FAN1: variants seen among roughly 807,000 people sequenced by gnomAD.
The protein encoded by FAN1 is fanconi-associated nuclease 1.
In FAN1, 91 loss-of-function variants were observed where a neutral mutation model predicts 104.9. That is an observed-to-expected ratio of 0.87 (90% CI 0.73 to 1.03). The LOEUF (loss-of-function observed/expected upper bound fraction) is 1.03, where lower values mean the gene tolerates loss of function less well. FAN1 is among the 50% of genes least tolerant of loss of function. The pLI is 0.00. For synonymous variants in FAN1, 478 were observed against 457.6 expected (o/e 1.04, Z -0.57); for missense variants, 1,263 against 1,239.9 (o/e 1.02, Z -0.28).
intron 10 of FAN1, chr15:30,928,071 G>A: frequency 2.0e-6 from 2 of 1,000,336 alleles, no homozygotes; most frequent in South Asian, 8.7e-5. Flanking sequence ...CACCTGCTGA[G>A]GCCAAGAACG....
chr15:30,914,059 C>T lies in FAN1; in HGVS notation c.1779C>T (p.Thr593=). 6.2e-7 allele frequency: 1 copy of T among 1,613,910 alleles called. No homozygotes were observed. The highest frequency in any genetic ancestry group is 8.5e-7 in the Non-Finnish European group (1 of 1,179,826). Residue 593 remains threonine (T), a synonymous_variant, in exon 5 of 15, where the codon ACC becomes ACT. Transcript: ENST00000362065. ...EFPSYTINRK[T]HIFQDRDDLI... ...CTAGTTACACCATCAATCGGAAAAC[C>T]CACATCTTCCAAGACAGAGATGATC...
intron 2 of FAN1, chr15:30,906,353 C>T: frequency 2.2e-6 from 1 of 457,818 alleles, no homozygotes; most frequent in Non-Finnish European, 4.4e-6. Context: ...TATTTTCTTT[C>T]TCCCAACAAC....
intron 6 of FAN1, among the ~76,000 whole-genome samples, chr15:30,919,709 AG>A (rs775129853): frequency 1.0e-4 from 15 of 150,658 alleles, no homozygotes; most frequent in Admixed American, 8.6e-4. Flanking sequence ...AAAAAAAAAA[AG>A]AAAATCATAA....
intron 7 of FAN1, 82 bp from the exon 8 acceptor site, chr15:30,922,153 A>T (rs1418015627): frequency 1.3e-6 from 2 of 1,496,788 alleles, no homozygotes; most frequent in Non-Finnish European, 1.8e-6. Context: ...AATAGGCTTT[A>T]CCAATCCTAT....
At chr15:30,930,461 T>C (rs552915103) in intron 12 of FAN1, 82 bp from the exon 13 acceptor site, 2 of 1,495,990 alleles carry the variant, frequency 1.3e-6, no homozygotes, top group African/African-American at 1.4e-5. Context: ...CACTGAGCTT[T>C]TCTCCGTCTC....
Position 30,908,236 on chromosome 15 carries a change from G to C in FAN1, c.1353G>C (p.Thr451=). 1 of 1,606,498 alleles carries C rather than the reference G, an allele frequency of 6.2e-7. No individual in the cohort carries two copies. The highest frequency in any genetic ancestry group is 8.5e-7 in the Non-Finnish European group (1 of 1,176,944). Residue 451 remains threonine (T), a synonymous_variant, in exon 3 of 15, where the codon ACG becomes ACC. Transcript: ENST00000362065. ...LDLTPVIEEL[T]NAGFLQTESE... Reference sequence around the variant, plus strand: ...TAACACCTGTGATTGAAGAATTGACGAATGCAGGCTTTCTACAGACAGGTA... The same window carrying C: ...TAACACCTGTGATTGAAGAATTGACCAATGCAGGCTTTCTACAGACAGGTA...
rs2293314 is a variant in FAN1, at chr15:30,918,448, A to G, written c.1943+153A>G. Among the ~76,000 whole-genome samples the G allele has an allele frequency of 0.41, 62,725 of 152,122 alleles. 14,300 individuals are homozygous for G. Among genetic ancestry groups the G allele is most frequent in the East Asian group, 0.85 (4,398 of 5,174 alleles). On this transcript the variant is annotated intron_variant, in intron 6 of 14. Transcript: ENST00000362065. ...TTTTGTGCGTGCTTTGCCTAGAATG[A>G]AAGTGCTGTGTGAAATAGAAGGAAA...
intron 14 of FAN1, chr15:30,938,992 T>C (rs1258691006): frequency 2.4e-5 from 24 of 985,232 alleles, no homozygotes; most frequent in Non-Finnish European, 2.9e-5. Context: ...TCACATTCAA[T>C]ACTGTTGAAC....
chr15:30,930,792 C>A, intron 13 of FAN1, 121 bp downstream of exon 13: 3 of 1,286,466 alleles, frequency 2.3e-6, no homozygotes, highest in Non-Finnish European at 3.3e-6. Context: ...AGCTTTTGGG[C>A]CGAGGGCCTG....
intron 5 of FAN1, among the ~76,000 whole-genome samples, chr15:30,916,963 C>G (rs2062210003): frequency 1.3e-5 from 2 of 152,072 alleles, no homozygotes; most frequent in Non-Finnish European, 2.9e-5. Context: ...TGCCTGCGTC[C>G]CGGCCGCGAG....
chr15:30,906,193 C>T (rs1348747955), intron 2 of FAN1, among the ~76,000 whole-genome samples: 2 of 152,120 alleles, frequency 1.3e-5, no homozygotes, highest in Non-Finnish European at 2.9e-5. Context: ...CAACCTTTTC[C>T]AGATTAAAAA....
intron 14 of FAN1, chr15:30,939,681 TAC>T (rs750476889): frequency 8.4e-6 from 8 of 956,366 alleles, no homozygotes; most frequent in Non-Finnish European, 1.0e-5. Context: ...GGAAGAAAAT[TAC>T]AGAGGGAAAA....
Position 30,910,703 on chromosome 15 carries a change from C to G in FAN1, c.1465C>G (p.Pro489Ala). 1.2e-6 allele frequency: 2 copies of G among 1,614,006 alleles called. No homozygotes were observed. The highest frequency in any genetic ancestry group is 1.7e-6 in the Non-Finnish European group (2 of 1,179,936). ...AGCCAAGACCTTCCACTTGGTGAAT[C>G]CCAATGGACAGAAACAGCAGCTGGT... ...SLAKTFHLVN[P>A]NGQKQQLVDA... The change falls in exon 4 of 15, where the codon CCC becomes GCC. Residue 489 changes from proline to alanine, a missense_variant. Pro to Ala is a conservative substitution (Grantham distance 27). Around this residue, in one of 2 missense-constraint regions of FAN1, gnomAD observed 682 missense variants for 571.1 expected, o/e 1.19. Coordinates refer to ENST00000362065, the MANE Select transcript of FAN1 (RefSeq NM_014967.5).
chr15:30,930,702 G>A (rs749856550), intron 13 of FAN1, 31 bp downstream of exon 13: 3 of 1,610,922 alleles, frequency 1.9e-6, no homozygotes, highest in Admixed American at 3.4e-5. Context: ...AAGTCCTGTT[G>A]GTAACCTTAT....
At chr15:30,916,149 T>C (rs956130468) in intron 5 of FAN1, among the ~76,000 whole-genome samples, 4 of 152,230 alleles carry the variant, frequency 2.6e-5, no homozygotes, top group African/African-American at 7.2e-5. Context: ...ATTCTTACCC[T>C]GTTTTCAGTT....
At chr15:30,938,109 G>A (rs1020500929) in intron 14 of FAN1, among the ~76,000 whole-genome samples, 3 of 151,900 alleles carry the variant, frequency 2.0e-5, no homozygotes, top group East Asian at 2.0e-4. Context: ...GCGTGAACCC[G>A]GGAGGTGGAG....
At position 30,925,224 on chromosome 15, in the gene FAN1, C is replaced by T. The variant is rs56258078; in HGVS notation, c.2270C>T (p.Pro757Leu). Residue 757 changes from proline to leucine, a missense_variant, in exon 9 of 15, where the codon CCG becomes CTG. By Grantham distance (98) the Pro-to-Leu change is moderately conservative. Around this residue, in one of 2 missense-constraint regions of FAN1, gnomAD observed 581 missense variants for 668.8 expected, o/e 0.87. Coordinates refer to ENST00000362065, the MANE Select transcript of FAN1 (RefSeq NM_014967.5). Reference sequence around the variant, plus strand: ...CGAGCCGTGCGCCTGCGAGAGTCTCCGAGCTGTAAAAAGTTCAAGCACCTC... The same window carrying T: ...CGAGCCGTGCGCCTGCGAGAGTCTCTGAGCTGTAAAAAGTTCAAGCACCTC... ...YQRAVRLRES[P>L]SCKKFKHLFQ... is the part of the protein sequence containing the mutation. The T allele has an allele frequency of 9.3e-6, 15 of 1,613,998 alleles. No homozygotes were observed. The East Asian group carries it at 1.1e-4, about 12-fold the overall frequency.
intron 9 of FAN1, among the ~76,000 whole-genome samples, chr15:30,925,550 C>T (rs1476131670): frequency 6.6e-6 from 1 of 152,186 alleles, no homozygotes; most frequent in Non-Finnish European, 1.5e-5. Flanking sequence ...CAGCATCTGC[C>T]CCGGTTTCAT....
intron 13 of FAN1, among the ~76,000 whole-genome samples, chr15:30,935,252 G>A (rs897948575): frequency 6.6e-6 from 1 of 151,924 alleles, no homozygotes; most frequent in African/African-American, 2.4e-5. Context: ...AGGCTGCAGT[G>A]TGCTGAGATC....
Sources: allele counts gnomAD v4.1 joint callset (sites outside exome capture counted in the v4.1 genomes callset), GRCh38; gene constraint gnomAD v4.1.1; regional missense constraint gnomAD v4.1.1; transcripts MANE v1.5; gene names NCBI Gene and HGNC (gene_info 2026-07-23, HGNC 2026-07-21).